Variants in PLEKHM2 observed in about 807,000 individuals in gnomAD.
PLEKHM2 encodes pleckstrin homology domain-containing family M member 2.
A neutral mutation model predicts 116.3 loss-of-function variants in PLEKHM2; 77 were observed. That is an observed-to-expected ratio of 0.66 (90% CI 0.55 to 0.80). The LOEUF (loss-of-function observed/expected upper bound fraction) is 0.80, where lower values mean the gene tolerates loss of function less well. PLEKHM2 is among the 30% of genes least tolerant of loss of function. The pLI is 0.00. For missense variants in PLEKHM2, 1,183 were observed against 1,354.9 expected (o/e 0.87, Z 1.99); for synonymous variants, 562 against 571.0 (o/e 0.98, Z 0.22).
intron 14 of PLEKHM2, 140 bp downstream of exon 14, chr1:15,730,069 G>A (rs1321234975): frequency 2.1e-6 from 1 of 473,800 alleles, no homozygotes; most frequent in Non-Finnish European, 3.7e-6. Context: ...GCGGGGCGGG[G>A]CGGGGCGGGG....
intron 17 of PLEKHM2, 115 bp downstream of exon 17, chr1:15,732,163 AG>A (rs2068153698): frequency 9.3e-7 from 1 of 1,074,518 alleles, no homozygotes; most frequent in Non-Finnish European, 1.3e-6. Flanking sequence ...ACGGACCTCC[AG>A]GGGGCAGCCC....
In PLEKHM2 at chr1:15,728,212, C is replaced by G; in HGVS notation, c.1831-55C>G. 1 of 1,605,398 alleles carries G rather than the reference C, an allele frequency of 6.2e-7. No individual in the cohort carries two copies. ...AGGGCAAGGCGGGATGGGCCACCGC[C>G]CCCGCTGGAGCGGCAGGAGCCACCT... On this transcript the variant is annotated intron_variant, in intron 10 of 19. Coordinates refer to ENST00000375799, the MANE Select transcript of PLEKHM2 (RefSeq NM_015164.4). This position sits in a 1 kb window ranked among gnomAD's most constrained non-coding sequence, Gnocchi z 5.9.
chr1:15,723,601 T>A (rs1416725988), intron 7 of PLEKHM2, among the ~76,000 whole-genome samples: 3 of 151,730 alleles, frequency 2.0e-5, no homozygotes. Flanking sequence ...TTAGCCAGGC[T>A]TGGTGGTGCA....
chr1:15,730,750 G>C (rs1316466275), intron 15 of PLEKHM2, 28 bp downstream of exon 15: 2 of 1,560,646 alleles, frequency 1.3e-6, no homozygotes, highest in Non-Finnish European at 1.7e-6. Flanking sequence ...TCTAGGCCTG[G>C]GGCTTGGGCC....
intron 1 of PLEKHM2, among the ~76,000 whole-genome samples, chr1:15,686,994 G>A (rs1035609263): frequency 6.6e-6 from 1 of 151,922 alleles, no homozygotes; most frequent in Non-Finnish European, 1.5e-5. Context: ...CCCCATGTTG[G>A]CCAGGCTGGT....
At chr1:15,692,173 G>T (rs1640902270) in intron 1 of PLEKHM2, among the ~76,000 whole-genome samples, 1 of 152,096 alleles carries the variant, frequency 6.6e-6, no homozygotes, top group African/African-American at 2.4e-5. Flanking sequence ...TGGTAGGTAG[G>T]TAGATGTAAA....
At position 15,717,919 on chromosome 1, in the gene PLEKHM2, A is replaced by C. The variant is rs1375863028; in HGVS notation, c.304A>C (p.Asn102His). ...CCGTGCCTGGCTGTACCTGGCCCTC[A>C]ACGAGAACTCCTTGGAGAGCTACCT... ...RSRAWLYLAL[N>H]ENSLESYLRL... The change falls in exon 4 of 20, where the codon AAC (asparagine) becomes CAC (histidine). Residue 102 changes from asparagine (N) to histidine (H), a missense_variant. Physicochemically the swap from Asn to His is moderately conservative, Grantham distance 68. This residue lies in a region of PLEKHM2 where 217 missense variants were observed against 277.6 expected (regional missense o/e 0.78). Coordinates refer to ENST00000375799, the MANE Select transcript of PLEKHM2 (RefSeq NM_015164.4). The C allele has an allele frequency of 6.3e-7, 1 of 1,598,924 alleles. No homozygotes were observed. Among genetic ancestry groups the C allele is most frequent in the South Asian group, 1.1e-5 (1 of 88,462 alleles).
intron 7 of PLEKHM2, among the ~76,000 whole-genome samples, chr1:15,723,609 G>A (rs2068022409): frequency 6.6e-6 from 1 of 152,056 alleles, no homozygotes; most frequent in African/African-American, 2.4e-5. Context: ...GCTTGGTGGT[G>A]CACGCCTATA....
At chr1:15,725,294 C>A (rs896503972) in intron 7 of PLEKHM2, 23 bp from the exon 8 acceptor site, 5 of 1,529,584 alleles carry the variant, frequency 3.3e-6, no homozygotes, top group Non-Finnish European at 4.4e-6. Context: ...GACAGGGTGT[C>A]TCCTGCTTCC....
In PLEKHM2 at chr1:15,727,228, AGCGAGC is replaced by A; in HGVS notation, c.1159_1164del (p.Glu387_Arg388del). ...GGGGCCGAGCAGCACCACGGAGAGC[AGCGAGC>A]GCTCCGAGCCGGGCCTGCTGATCCC... is the stretch of plus-strand genomic sequence containing the variant. On this transcript the variant is annotated inframe_deletion, in exon 9 of 20. Coordinates refer to ENST00000375799, the MANE Select transcript of PLEKHM2 (RefSeq NM_015164.4). The surrounding 1 kb of genome is among the most constrained non-coding windows in gnomAD (Gnocchi z 7.5). 6.2e-7 allele frequency: 1 copy of A among 1,605,324 alleles called. No homozygotes were observed. The highest frequency in any genetic ancestry group is 8.5e-7 in the Non-Finnish European group (1 of 1,177,040).
At chr1:15,695,268 A>G (rs1161715074) in intron 1 of PLEKHM2, among the ~76,000 whole-genome samples, 1 of 152,184 alleles carries the variant, frequency 6.6e-6, no homozygotes, top group Non-Finnish European at 1.5e-5. Flanking sequence ...ATACACAAAA[A>G]TCTCCAAACT....
intron 1 of PLEKHM2, among the ~76,000 whole-genome samples, chr1:15,692,384 C>T (rs1640905808): frequency 6.6e-6 from 1 of 152,104 alleles, no homozygotes; most frequent in Non-Finnish European, 1.5e-5. Context: ...CCTCTTCCTC[C>T]TTTTCCTAAA....
At chr1:15,710,896 T>C (rs761491539) in intron 1 of PLEKHM2, among the ~76,000 whole-genome samples, 1 of 152,114 alleles carries the variant, frequency 6.6e-6, no homozygotes, top group African/African-American at 2.4e-5. Flanking sequence ...ATACGAGGGC[T>C]GGGTGCCGTG....
chr1:15,689,253 A>G (rs1490767237), intron 1 of PLEKHM2, among the ~76,000 whole-genome samples: 2 of 151,666 alleles, frequency 1.3e-5, no homozygotes, highest in African/African-American at 2.4e-5. Context: ...CTCAAAAAAA[A>G]AAAAAAAAGA....
chr1:15,724,710 C>G (rs1012554419), intron 7 of PLEKHM2, among the ~76,000 whole-genome samples: 3 of 152,188 alleles, frequency 2.0e-5, no homozygotes, highest in African/African-American at 4.8e-5. Context: ...ATGGTTCCCA[C>G]CCCTTGGGCT....
intron 7 of PLEKHM2, among the ~76,000 whole-genome samples, chr1:15,723,731 C>T (rs149497307): frequency 0.016 from 2,062 of 132,178 alleles, 26 homozygotes; most frequent in Non-Finnish European, 0.021. Context: ...AGCGACACAG[C>T]GAGACCCTGT....
chr1:15,709,421 C>T (rs1177174198), intron 1 of PLEKHM2, among the ~76,000 whole-genome samples: 2 of 152,172 alleles, frequency 1.3e-5, no homozygotes, highest in Non-Finnish European at 1.5e-5. Flanking sequence ...TAAGAGAGTG[C>T]CACTGCTGTT....
intron 1 of PLEKHM2, among the ~76,000 whole-genome samples, chr1:15,688,582 G>A (rs577999428): frequency 1.7e-4 from 26 of 151,444 alleles, no homozygotes; most frequent in African/African-American, 5.6e-4. Flanking sequence ...CCTGGGAGGT[G>A]GAGGTTGCAG....
intron 1 of PLEKHM2, among the ~76,000 whole-genome samples, chr1:15,711,758 G>A (rs1345431276): frequency 1.3e-5 from 2 of 152,148 alleles, no homozygotes; most frequent in Non-Finnish European, 2.9e-5. Context: ...GACAAGTGAA[G>A]TTTAAAGGTC....
Sources: allele counts gnomAD v4.1 joint callset (sites outside exome capture counted in the v4.1 genomes callset), GRCh38; gene constraint gnomAD v4.1.1; regional missense constraint gnomAD v4.1.1; non-coding constraint Gnocchi (gnomAD v3.1); transcripts MANE v1.5; gene names NCBI Gene and HGNC (gene_info 2026-07-23, HGNC 2026-07-21).